MGLL: variants seen among roughly 807,000 people sequenced by gnomAD.
The protein encoded by MGLL is lysophospholipase homolog.
A neutral mutation model predicts 29.1 loss-of-function variants in MGLL; 7 were observed. That is an observed-to-expected ratio of 0.24 (90% CI 0.14 to 0.45). The LOEUF is 0.45. Among genes scored for constraint, MGLL ranks in the 20% least tolerant of loss-of-function variants. The pLI is 0.99. For missense variants in MGLL, 356 were observed against 413.6 expected (o/e 0.86, Z 1.21); for synonymous variants, 148 against 168.3 (o/e 0.88, Z 0.93).
At chr3:127,701,215 CAA>C (rs60128956) in intron 6 of MGLL, among the ~76,000 whole-genome samples, 12 of 56,420 alleles carry the variant, frequency 2.1e-4, no homozygotes, top group African/African-American at 4.7e-4. Context: ...ACCCTGCCTC[CAA>C]AAAAAAAAAA....
At chr3:127,725,999 G>C (rs1463857934) in intron 3 of MGLL, among the ~76,000 whole-genome samples, 1 of 151,540 alleles carries the variant, frequency 6.6e-6, no homozygotes, top group Non-Finnish European at 1.5e-5. Flanking sequence ...CATGAGGTTG[G>C]GGCCGCAGTG....
intron 3 of MGLL, among the ~76,000 whole-genome samples, chr3:127,740,733 G>A (rs558078695): frequency 6.6e-6 from 1 of 152,346 alleles, no homozygotes; most frequent in South Asian, 2.1e-4. Flanking sequence ...GGCCTGGAAG[G>A]AAAGCTCCCC....
Position 127,750,291 on chromosome 3 carries a change from G to A in MGLL, c.263-27725C>T, listed in dbSNP as rs546629573. Among the ~76,000 whole-genome samples the A allele has an allele frequency of 7.2e-5, 11 of 152,304 alleles. No individual in the cohort carries two copies. In the South Asian group the frequency reaches 2.3e-3, roughly 32 times the overall value. On this transcript the variant is annotated intron_variant, in intron 3 of 7. Transcript: ENST00000265052. ...AGTGACAAGGAGGGCATAAAAGGTG[G>A]TCTGGGACACTGGGCTAGGAACTGA...
chr3:127,763,888 C>G (rs1397600834), intron 3 of MGLL, among the ~76,000 whole-genome samples: 2 of 152,322 alleles, frequency 1.3e-5, no homozygotes, highest in East Asian at 3.9e-4. Context: ...ATTACACCCA[C>G]CTCAGTGTGC....
chr3:127,697,635 T>C (rs183416927), intron 6 of MGLL, among the ~76,000 whole-genome samples: 35 of 152,342 alleles, frequency 2.3e-4, no homozygotes, highest in African/African-American at 7.9e-4. Context: ...ATGACCACGT[T>C]CTGGCCAATA....
chr3:127,769,355 A>C (rs541982742), intron 3 of MGLL, among the ~76,000 whole-genome samples: 1 of 17,468 alleles, frequency 5.7e-5, no homozygotes, highest in South Asian at 2.3e-3. Flanking sequence ...TATCTCAAAA[A>C]AAAAGAAAAA....
chr3:127,787,039 T>C lies in MGLL; in HGVS notation c.156-5144A>G, dbSNP rs149572543. 7.8e-3 allele frequency among the ~76,000 whole-genome samples: 1,190 copies of C among 152,238 alleles called. 11 individuals are homozygous for C. The highest frequency in any genetic ancestry group is 0.013 in the Non-Finnish European group (901 of 68,010). ...GGGGTTTGGAGGTAAAATGAGACAA[T>C]GTGTGTGCAAGTGCACTGAGGCCCT... On this transcript the variant is annotated intron_variant, in intron 2 of 7. Coordinates refer to ENST00000265052, the MANE Select transcript of MGLL (RefSeq NM_007283.7).
At chr3:127,737,630 C>CTGTTTTTTTT (rs2076264282) in intron 3 of MGLL, among the ~76,000 whole-genome samples, 2 of 68,610 alleles carry the variant, frequency 2.9e-5, no homozygotes, top group Non-Finnish European at 4.8e-5. Context: ...TCAACTGCTT[C>CTGTTTTTTTT]TTTTTTTTTT....
At chr3:127,753,649 T>C (rs1038012461) in intron 3 of MGLL, among the ~76,000 whole-genome samples, 4 of 152,254 alleles carry the variant, frequency 2.6e-5, no homozygotes, top group Non-Finnish European at 5.9e-5. Flanking sequence ...ACAGACAGCA[T>C]AACCTCTGTG....
chr3:127,701,107 G>GA (rs2075471662), intron 6 of MGLL, among the ~76,000 whole-genome samples: 6 of 151,274 alleles, frequency 4.0e-5, no homozygotes, highest in Admixed American at 3.9e-4. Flanking sequence ...CCCAGCTACT[G>GA]CGGGGGCTGA....
chr3:127,770,175 G>T (rs2107693079), intron 3 of MGLL, among the ~76,000 whole-genome samples: 1 of 152,034 alleles, frequency 6.6e-6, no homozygotes, highest in Admixed American at 6.5e-5. Context: ...GCACGCCACT[G>T]CACCCAGCTA....
chr3:127,781,438 C>T (rs2077123967), intron 3 of MGLL, among the ~76,000 whole-genome samples: 1 of 152,174 alleles, frequency 6.6e-6, no homozygotes, highest in Non-Finnish European at 1.5e-5. Flanking sequence ...CTTGAACTGA[C>T]TACACAATGC....
chr3:127,707,052 A>C (rs2075617183), intron 6 of MGLL, among the ~76,000 whole-genome samples: 1 of 151,832 alleles, frequency 6.6e-6, no homozygotes. Flanking sequence ...CTGAGTGGCC[A>C]CTCCTCATGG....
chr3:127,697,109 G>A (rs1413416687), intron 6 of MGLL, among the ~76,000 whole-genome samples: 2 of 152,364 alleles, frequency 1.3e-5, no homozygotes, highest in Non-Finnish European at 2.9e-5. Context: ...GAGTCCTGCT[G>A]GGCCGGGCCA....
chr3:127,738,747 G>A (rs1460828153), intron 3 of MGLL, among the ~76,000 whole-genome samples: 6 of 152,186 alleles, frequency 3.9e-5, no homozygotes, highest in Non-Finnish European at 8.8e-5. Context: ...TGGTGTGAGG[G>A]GCTTCTGCAG....
rs1219253113 is a variant in MGLL at position 127,695,499 on chromosome 3, C to T, written c.601-309G>A. On this transcript the variant is annotated intron_variant, in intron 6 of 7. Transcript: ENST00000265052. The stretch of plus-strand genomic sequence containing the variant: ...CAGAACTTTGGGAAGCTGAGGCGGG[C>T]GGATCACCTGAGGTCAGGAGTTCAA... 5.9e-5 allele frequency among the ~76,000 whole-genome samples: 9 copies of T among 152,170 alleles called. 1 individual carries two copies. The South Asian group carries it at 8.3e-4, about 14-fold the overall frequency.
At chr3:127,783,689 G>A (rs1175679026) in intron 2 of MGLL, 1 of 152,208 alleles carries the variant, frequency 6.6e-6, no homozygotes, top group African/African-American at 2.4e-5. Flanking sequence ...TCCTAAAGAA[G>A]CCAGAGGAAT....
chr3:127,799,616 C>T (rs1337832145), intron 2 of MGLL, among the ~76,000 whole-genome samples: 1 of 152,116 alleles, frequency 6.6e-6, no homozygotes, highest in Non-Finnish European at 1.5e-5. Flanking sequence ...GAATGAAATC[C>T]ACCAGTCAAC....
chr3:127,817,152 T>C (rs2107759628), intron 2 of MGLL, among the ~76,000 whole-genome samples: 2 of 152,286 alleles, frequency 1.3e-5, no homozygotes, highest in Middle Eastern at 6.8e-3. Context: ...CCAGTAAGGT[T>C]CAGAGAAAGG....
Sources: allele counts gnomAD v4.1 joint callset (sites outside exome capture counted in the v4.1 genomes callset), GRCh38; gene constraint gnomAD v4.1.1; transcripts MANE v1.5; gene names NCBI Gene and HGNC (gene_info 2026-07-23, HGNC 2026-07-21).